SLC8A1: variants seen among roughly 807,000 people sequenced by gnomAD.
SLC8A1 encodes solute carrier family 8 member A1, also known as sodium/calcium exchanger 1.
In SLC8A1, 18 loss-of-function variants were observed where a neutral mutation model predicts 68.3. That is an observed-to-expected ratio of 0.26 (90% CI 0.18 to 0.39). The LOEUF is 0.39. Ranked by LOEUF, SLC8A1 falls within the 10% of genes least tolerant of loss-of-function variation. The pLI is 1.00. For missense variants in SLC8A1, 985 were observed against 1,156.7 expected (o/e 0.85, Z 2.15); for synonymous variants, 475 against 415.5 (o/e 1.14, Z -1.74).
In SLC8A1 at chr2:40,315,987, T is replaced by C. The variant is rs140730376; in HGVS notation, c.1808+112486A>G. Among the ~76,000 whole-genome samples the C allele has an allele frequency of 1.8e-4, 27 of 152,174 alleles. No individual in the cohort carries two copies. In the East Asian group the frequency reaches 4.8e-3, roughly 27 times the overall value. On this transcript the variant is annotated intron_variant, in intron 2 of 7. Coordinates refer to ENST00000406785, the Ensembl canonical transcript of SLC8A1. ...TAAATTGTGTGCTATAGACCTTCTATGTAGAAAATAGTCCATAGGTTCTGC... is the reference window on the plus strand; with the variant it reads ...TAAATTGTGTGCTATAGACCTTCTACGTAGAAAATAGTCCATAGGTTCTGC...
chr2:40,396,347 G>C (rs1362455808), intron 2 of SLC8A1, among the ~76,000 whole-genome samples: 1 of 152,070 alleles, frequency 6.6e-6, no homozygotes. Context: ...ACTCAACCAT[G>C]AATCTCTACG....
At chr2:40,384,498 ACAT>A (rs1441396785) in intron 2 of SLC8A1, among the ~76,000 whole-genome samples, 4 of 152,080 alleles carry the variant, frequency 2.6e-5, no homozygotes, top group Non-Finnish European at 5.9e-5. Flanking sequence ...CTATACATCA[ACAT>A]CATCATCATT....
intron 2 of SLC8A1, among the ~76,000 whole-genome samples, chr2:40,279,952 T>C (rs2067274710): frequency 6.6e-6 from 1 of 152,214 alleles, no homozygotes; most frequent in African/African-American, 2.4e-5. Flanking sequence ...TCTTTTCCAT[T>C]CTGATTTTAA....
chr2:40,349,914 G>A (rs1049953520), intron 2 of SLC8A1, among the ~76,000 whole-genome samples: 1 of 151,902 alleles, frequency 6.6e-6, no homozygotes, highest in African/African-American at 2.4e-5. Context: ...TCCCTAAGAG[G>A]GGAATATAAG....
intron 1 of SLC8A1, among the ~76,000 whole-genome samples, chr2:40,472,096 A>G (rs918338327): frequency 6.6e-6 from 1 of 152,192 alleles, no homozygotes; most frequent in Admixed American, 6.5e-5. Context: ...TCAAAGTGGT[A>G]TGGAAGGCCA....
chr2:40,257,604 CT>C (rs2149079518), intron 2 of SLC8A1, among the ~76,000 whole-genome samples: 1 of 152,310 alleles, frequency 6.6e-6, no homozygotes, highest in African/African-American at 2.4e-5. Flanking sequence ...AACACTCCCC[CT>C]GTGACAATCT....
chr2:40,240,362 A>G (rs1473851077), intron 2 of SLC8A1, among the ~76,000 whole-genome samples: 1 of 152,138 alleles, frequency 6.6e-6, no homozygotes, highest in Non-Finnish European at 1.5e-5. Flanking sequence ...TACTCTAACC[A>G]TTCAGGATGT....
At chr2:40,421,007 C>G (rs898182601) in intron 2 of SLC8A1, among the ~76,000 whole-genome samples, 6 of 152,058 alleles carry the variant, frequency 3.9e-5, no homozygotes, top group African/African-American at 1.2e-4. Context: ...TTAAGTCATA[C>G]GGATACTTTA....
chr2:40,425,320 T>G (rs972016484), intron 2 of SLC8A1, among the ~76,000 whole-genome samples: 1 of 149,002 alleles, frequency 6.7e-6, no homozygotes, highest in Non-Finnish European at 1.5e-5. Context: ...TATTATAAAT[T>G]TAAATGACTA....
chr2:40,308,711 T>A (rs1052909420), intron 2 of SLC8A1, among the ~76,000 whole-genome samples: 1 of 151,994 alleles, frequency 6.6e-6, no homozygotes, highest in Non-Finnish European at 1.5e-5. Flanking sequence ...TTATTTCCAA[T>A]AGGGGCTCAG....
chr2:40,326,211 T>C (rs533269195), intron 2 of SLC8A1, among the ~76,000 whole-genome samples: 1 of 152,276 alleles, frequency 6.6e-6, no homozygotes, highest in Non-Finnish European at 1.5e-5. Flanking sequence ...TGGAAAAGGC[T>C]ACTGGGGTGC....
chr2:40,152,396 G>C (rs983793926), intron 6 of SLC8A1, among the ~76,000 whole-genome samples: 1 of 151,980 alleles, frequency 6.6e-6, no homozygotes, highest in African/African-American at 2.4e-5. Context: ...TTGTAGTTTG[G>C]ATACTACCTC....
intron 1 of SLC8A1, among the ~76,000 whole-genome samples, chr2:40,481,955 G>A (rs1206400083): frequency 2.6e-5 from 4 of 152,124 alleles, no homozygotes; most frequent in Non-Finnish European, 5.9e-5. Context: ...AATAGTTCAA[G>A]TTTTAAGGCA....
intron 2 of SLC8A1, among the ~76,000 whole-genome samples, chr2:40,390,771 T>C (rs934469716): frequency 6.6e-6 from 1 of 152,126 alleles, no homozygotes; most frequent in African/African-American, 2.4e-5. Flanking sequence ...GGGGACTGCA[T>C]CCATTTCAAT....
In SLC8A1 at chr2:40,162,125, T is replaced by C. The variant is rs73927140; in HGVS notation, c.2062-1261A>G. On this transcript the variant is annotated intron_variant, in intron 5 of 7. Transcript: ENST00000406785. ...ATTCATGACATTATTCTTGAAAGAA[T>C]TGTATGTCCTTAGGGTGATGACCTT... is the stretch of plus-strand genomic sequence containing the variant. Among the ~76,000 whole-genome samples, 1,030 of 152,328 alleles carry C rather than the reference T, an allele frequency of 6.8e-3. 10 individuals are homozygous for C. The highest frequency in any genetic ancestry group is 0.023 in the African/African-American group (947 of 41,588).
chr2:40,415,666 G>A (rs1559588786), intron 2 of SLC8A1, among the ~76,000 whole-genome samples: 2 of 151,954 alleles, frequency 1.3e-5, no homozygotes, highest in African/African-American at 4.8e-5. Context: ...AAGGACTAAT[G>A]CTCTCTTATT....
At chr2:40,478,857 C>T (rs574916460) in intron 1 of SLC8A1, among the ~76,000 whole-genome samples, 30 of 151,844 alleles carry the variant, frequency 2.0e-4, no homozygotes, top group Non-Finnish European at 3.8e-4. Context: ...CTGCAACCTC[C>T]GCCTCCTGGG....
chr2:40,507,590 C>A (rs13029763), intron 1 of SLC8A1, among the ~76,000 whole-genome samples: 11,463 of 151,980 alleles, frequency 0.075, 899 homozygotes, highest in East Asian at 0.4. Flanking sequence ...TTAAAAGGCA[C>A]GGAAATGACT....
chr2:40,381,992 G>A (rs557033761), intron 2 of SLC8A1, among the ~76,000 whole-genome samples: 39 of 151,848 alleles, frequency 2.6e-4, no homozygotes, highest in Middle Eastern at 3.4e-3. Context: ...CTATCTCCTC[G>A]GCTGCAGCAC....
Sources: allele counts gnomAD v4.1 joint callset (sites outside exome capture counted in the v4.1 genomes callset), GRCh38; gene constraint gnomAD v4.1.1; transcripts MANE v1.5; gene names NCBI Gene and HGNC (gene_info 2026-07-23, HGNC 2026-07-21).